Variants in COL28A1 observed in about 807,000 individuals in gnomAD.
COL28A1 encodes collagen alpha-1(XXVIII) chain.
In COL28A1, 161 loss-of-function variants were observed where a neutral mutation model predicts 150.2. That is an observed-to-expected ratio of 1.07 (90% CI 0.94 to 1.22). The LOEUF (loss-of-function observed/expected upper bound fraction) is 1.22. Ranked by LOEUF, COL28A1 falls within the 50% of genes most tolerant of loss-of-function variation. COL28A1 has a pLI of 0.00. For missense variants in COL28A1, 1,617 were observed against 1,388.3 expected (o/e 1.16, Z -2.62); for synonymous variants, 552 against 469.7 (o/e 1.18, Z -2.26).
At chr7:7,442,503 G>T (rs763552590) in intron 20 of COL28A1, among the ~76,000 whole-genome samples, 4 of 151,904 alleles carry the variant, frequency 2.6e-5, no homozygotes, top group Non-Finnish European at 5.9e-5. Context: ...CACCCAAAAA[G>T]GATCCCCGAG....
intron 11 of COL28A1, among the ~76,000 whole-genome samples, chr7:7,505,616 G>A (rs1437469594): frequency 1.3e-5 from 2 of 152,162 alleles, no homozygotes; most frequent in East Asian, 1.9e-4. Flanking sequence ...TATAACAACT[G>A]TAAATTTCCT....
chr7:7,406,711 C>T lies in COL28A1; in HGVS notation c.2136+11148G>A, dbSNP rs1424046870. Among the ~76,000 whole-genome samples, 4 of 151,962 alleles carry T rather than the reference C, an allele frequency of 2.6e-5. No individual in the cohort carries two copies. In the East Asian group the frequency reaches 7.7e-4, roughly 29 times the overall value. On this transcript the variant is annotated intron_variant, in intron 27 of 34. Coordinates refer to ENST00000399429, the MANE Select transcript of COL28A1 (RefSeq NM_001037763.3). ...TGCCAAGATAGAAGAAACAATAATG[C>T]AAAGGCTCAAAGGAGTGAATATTGT...
At chr7:7,363,618 T>C (rs79275291) in intron 33 of COL28A1, among the ~76,000 whole-genome samples, 1,695 of 152,218 alleles carry the variant, frequency 0.011, 31 homozygotes, top group African/African-American at 0.038. Flanking sequence ...CTAAAGATAG[T>C]CATTGTTGGC....
At chr7:7,501,827 C>A (rs1480394066) in intron 11 of COL28A1, among the ~76,000 whole-genome samples, 1 of 152,158 alleles carries the variant, frequency 6.6e-6, no homozygotes, top group Non-Finnish European at 1.5e-5. Context: ...TCAGTTTGGT[C>A]TCAGGGATAA....
At chr7:7,403,720 A>G (rs935381316) in intron 27 of COL28A1, among the ~76,000 whole-genome samples, 3 of 152,222 alleles carry the variant, frequency 2.0e-5, no homozygotes, top group Non-Finnish European at 4.4e-5. Flanking sequence ...TGCTAAATGC[A>G]TAATGAAAAT....
chr7:7,478,681 C>T (rs557560763), intron 13 of COL28A1, among the ~76,000 whole-genome samples: 36 of 152,358 alleles, frequency 2.4e-4, no homozygotes, highest in Non-Finnish European at 4.7e-4. Flanking sequence ...GGTCCCAAGC[C>T]CTGCCCCGCG....
intron 27 of COL28A1, among the ~76,000 whole-genome samples, chr7:7,415,356 C>T (rs1305340260): frequency 1.3e-5 from 2 of 152,180 alleles, no homozygotes. Context: ...CAGAAGAATG[C>T]CACCAATTTG....
Position 7,452,304 on chromosome 7 carries a change from C to A in COL28A1, c.1509+15G>T, listed in dbSNP as rs1331011977. ...CATAAAGTATCATATCACTTCTGAG[C>A]AGCAGTCAACTCACCTTTGGACCTT... is the stretch of plus-strand genomic sequence containing the variant. On this transcript the variant is annotated intron_variant, in intron 18 of 34. Coordinates refer to ENST00000399429, the MANE Select transcript of COL28A1 (RefSeq NM_001037763.3). 6.3e-7 allele frequency: 1 copy of A among 1,597,906 alleles called. No individual in the cohort carries two copies. The highest frequency in any genetic ancestry group is 1.4e-5 in the African/African-American group (1 of 73,898).
intron 3 of COL28A1, among the ~76,000 whole-genome samples, chr7:7,529,626 C>T (rs947683534): frequency 2.0e-5 from 3 of 152,124 alleles, no homozygotes; most frequent in Admixed American, 6.5e-5. Context: ...GTGCTCTCAG[C>T]GAGGGTGTAT....
the COL28A1 span, among the ~76,000 whole-genome samples, chr7:7,347,020 T>G: frequency 6.6e-6 from 1 of 152,152 alleles, no homozygotes; most frequent in African/African-American, 2.4e-5. Context: ...ATTGCAACAT[T>G]ATTTTAGCAG....
intron 2 of COL28A1, 52 bp from the exon 3 acceptor site, chr7:7,531,956 A>G (rs1270630013): frequency 8.8e-6 from 10 of 1,131,256 alleles, no homozygotes; most frequent in Non-Finnish European, 1.3e-5. Flanking sequence ...TCATGAAACA[A>G]ATTTGCATAC....
the COL28A1 span, among the ~76,000 whole-genome samples, chr7:7,541,796 C>T: frequency 6.6e-6 from 1 of 152,154 alleles, no homozygotes; most frequent in African/African-American, 2.4e-5. Flanking sequence ...TAAGTAACAT[C>T]TGATGAAATC....
intron 33 of COL28A1, among the ~76,000 whole-genome samples, chr7:7,370,264 T>C (rs1583228643): frequency 2.0e-5 from 3 of 152,202 alleles, no homozygotes; most frequent in Admixed American, 2.0e-4. Context: ...AGCAAACACA[T>C]GGCTTGGAGT....
At chr7:7,370,657 G>C (rs944971825) in intron 33 of COL28A1, 68 bp downstream of exon 33, 36 of 1,335,080 alleles carry the variant, frequency 2.7e-5, no homozygotes, top group Non-Finnish European at 3.5e-5. Context: ...AGGGCAGAAT[G>C]ATCTTTGATA....
At chr7:7,348,287 T>C in the COL28A1 span, among the ~76,000 whole-genome samples, 4 of 151,830 alleles carry the variant, frequency 2.6e-5, no homozygotes, top group African/African-American at 9.7e-5. Flanking sequence ...AAGGGGGAGG[T>C]GAAGAGCTCC....
intron 3 of COL28A1, among the ~76,000 whole-genome samples, chr7:7,530,727 C>A (rs1190415770): frequency 6.6e-6 from 1 of 152,096 alleles, no homozygotes; most frequent in Non-Finnish European, 1.5e-5. Flanking sequence ...AAGTGGGACT[C>A]ATTGATTTGA....
At chr7:7,365,674 CAT>C (rs532997905) in intron 33 of COL28A1, among the ~76,000 whole-genome samples, 5 of 152,312 alleles carry the variant, frequency 3.3e-5, no homozygotes, top group East Asian at 1.9e-4. Flanking sequence ...AATCTGAACA[CAT>C]GTCTGCTCTG....
At chr7:7,353,947 A>G (rs920973647), downstream of COL28A1, among the ~76,000 whole-genome samples, 2 of 152,090 alleles carry the variant, frequency 1.3e-5, no homozygotes, top group South Asian at 2.1e-4. Flanking sequence ...TCCTACAACA[A>G]AAAATATGGT....
At chr7:7,432,374 T>G in intron 25 of COL28A1, 99 bp downstream of exon 25, 1 of 851,636 alleles carries the variant, frequency 1.2e-6, no homozygotes, top group East Asian at 2.5e-5. Context: ...TTCAGACACC[T>G]CTACTCTTCT....
Sources: allele counts gnomAD v4.1 joint callset (sites outside exome capture counted in the v4.1 genomes callset), GRCh38; gene constraint gnomAD v4.1.1; transcripts MANE v1.5; gene names NCBI Gene and HGNC (gene_info 2026-07-23, HGNC 2026-07-21).